Variants in NR2F1-AS1 observed in about 807,000 individuals in gnomAD.
NR2F1-AS1 encodes the protein NR2F1 regulatory antisense RNA 1, also known as NR2F1 antisense RNA 1.
intron 4 of NR2F1-AS1, among the ~76,000 whole-genome samples, chr5:93,451,035 A>G (rs1749818917): frequency 6.6e-6 from 1 of 152,116 alleles, no homozygotes; most frequent in Non-Finnish European, 1.5e-5. Flanking sequence ...ATATTCTGTA[A>G]AAACAATAAT....
chr5:93,440,641 TA>T (rs995078896), intron 4 of NR2F1-AS1, among the ~76,000 whole-genome samples: 23 of 152,226 alleles, frequency 1.5e-4, no homozygotes, highest in Non-Finnish European at 1.8e-4. Context: ...TTTTTTATAG[TA>T]AATCTCTCAC....
chr5:93,525,546 C>A (rs757887548), intron 4 of NR2F1-AS1, among the ~76,000 whole-genome samples: 7 of 152,178 alleles, frequency 4.6e-5, no homozygotes, highest in Non-Finnish European at 8.8e-5. Context: ...CCCAAATCAA[C>A]GGAATATACC....
chr5:93,582,768 G>C (rs1253020908), upstream of NR2F1-AS1, among the ~76,000 whole-genome samples: 3 of 59,048 alleles, frequency 5.1e-5, no homozygotes, highest in Non-Finnish European at 3.1e-5. Context: ...GGGTGTGAGC[G>C]TAAGTGTGTG....
chr5:93,432,760 G>A (rs1749352977), intron 4 of NR2F1-AS1, among the ~76,000 whole-genome samples: 1 of 152,162 alleles, frequency 6.6e-6, no homozygotes, highest in Non-Finnish European at 1.5e-5. Flanking sequence ...TTGTCAGCAT[G>A]TTTTCCTCCT....
chr5:93,492,840 T>C (rs1241283500), intron 4 of NR2F1-AS1, among the ~76,000 whole-genome samples: 2 of 150,048 alleles, frequency 1.3e-5, no homozygotes, highest in African/African-American at 4.9e-5. Flanking sequence ...CTATATCATT[T>C]CATGATAAAA....
intron 4 of NR2F1-AS1, among the ~76,000 whole-genome samples, chr5:93,474,136 A>G (rs1485128766): frequency 1.3e-5 from 2 of 152,200 alleles, no homozygotes; most frequent in African/African-American, 2.4e-5. Flanking sequence ...CTAATGTTTC[A>G]ATAATTATAT....
rs367879647 is a variant in NR2F1-AS1, at chr5:93,439,343, G to A, written n.639-43801C>T. On this transcript the variant is annotated intron_variant and non_coding_transcript_variant, in intron 4 of 5. Coordinates refer to ENST00000660523, the Ensembl canonical transcript of NR2F1-AS1. The stretch of plus-strand genomic sequence containing the variant: ...CGGAGTCTCGCTGTCACCCAGGCTG[G>A]AGTGGAGTGGCGCGATCTCGGCTCA... 5.3e-5 allele frequency among the ~76,000 whole-genome samples: 8 copies of A among 152,338 alleles called. No homozygotes were observed. The East Asian group carries it at 5.8e-4, about 11-fold the overall frequency.
intron 2 of NR2F1-AS1, among the ~76,000 whole-genome samples, chr5:93,560,477 G>C (rs1752462766): frequency 6.6e-6 from 1 of 152,110 alleles, no homozygotes; most frequent in African/African-American, 2.4e-5. Context: ...GACATTAGTT[G>C]GTATGCAGCT....
Position 93,532,506 on chromosome 5 carries a change from C to G in NR2F1-AS1, n.638+21255G>C, listed in dbSNP as rs78898869. ...CCTGTGTGTGAACTATTTCCAAGACCTCGGTCTGAAAGGCAGCCAAAGGCT... is the reference window on the plus strand; with the variant it reads ...CCTGTGTGTGAACTATTTCCAAGACGTCGGTCTGAAAGGCAGCCAAAGGCT... On this transcript the variant is annotated intron_variant and non_coding_transcript_variant, in intron 4 of 5. Coordinates refer to ENST00000660523, the Ensembl canonical transcript of NR2F1-AS1. Among the ~76,000 whole-genome samples the G allele has an allele frequency of 7.9e-4, 120 of 152,292 alleles. No individual in the cohort carries two copies. The East Asian group carries it at 0.016, about 21-fold the overall frequency.
chr5:93,503,721 G>C (rs1198872545), intron 4 of NR2F1-AS1, among the ~76,000 whole-genome samples: 1 of 152,176 alleles, frequency 6.6e-6, no homozygotes, highest in Non-Finnish European at 1.5e-5. Flanking sequence ...TCTCCAGTGA[G>C]CTTCCCTGGT....
At position 93,540,997 on chromosome 5, in the gene NR2F1-AS1, C is replaced by T. The variant is rs776998156; in HGVS notation, n.638+12764G>A. Among the ~76,000 whole-genome samples the T allele has an allele frequency of 9.2e-5, 14 of 152,304 alleles. 1 individual carries two copies. Among genetic ancestry groups the T allele is most frequent in the Middle Eastern group, 3.4e-3 (1 of 294 alleles). ...ATTAATGCTTCAAAACACTTTCCAA[C>T]GTTAGCCCTCACTTTTTCTTTTCTC... On this transcript the variant is annotated intron_variant and non_coding_transcript_variant, in intron 4 of 5. Transcript: ENST00000660523.
Position 93,441,655 on chromosome 5 carries a change from T to G in NR2F1-AS1, n.639-46113A>C, listed in dbSNP as rs1580226361. Among the ~76,000 whole-genome samples, 3 of 152,356 alleles carry G rather than the reference T, an allele frequency of 2.0e-5. No individual in the cohort carries two copies. The South Asian group carries it at 6.2e-4, about 32-fold the overall frequency. On this transcript the variant is annotated intron_variant and non_coding_transcript_variant, in intron 4 of 5. Transcript: ENST00000660523. ...TTCTTAAACTTGTAGAGCATTCTACTTCAGAGTAAGAATAAGTATAACATC... is the reference window on the plus strand; with the variant it reads ...TTCTTAAACTTGTAGAGCATTCTACGTCAGAGTAAGAATAAGTATAACATC...
chr5:93,455,129 T>G (rs1046321977), intron 4 of NR2F1-AS1, among the ~76,000 whole-genome samples: 2 of 152,170 alleles, frequency 1.3e-5, no homozygotes, highest in Admixed American at 6.5e-5. Flanking sequence ...AGTGAGGTCT[T>G]GTGGTTCTGC....
At chr5:93,537,672 T>C (rs1272562724) in intron 4 of NR2F1-AS1, among the ~76,000 whole-genome samples, 1 of 152,106 alleles carries the variant, frequency 6.6e-6, no homozygotes, top group East Asian at 1.9e-4. Flanking sequence ...TTGGCAAGGA[T>C]GTGGAAGAAA....
Position 93,564,835 on chromosome 5 carries a change from T to C in NR2F1-AS1, n.314-1372A>G, listed in dbSNP as rs557129023. Reference sequence around the variant, plus strand: ...AAGAAGCCTATTGAAAACCTCATTATATCTAAACTACTTTATTATATTTAT... The same window carrying C: ...AAGAAGCCTATTGAAAACCTCATTACATCTAAACTACTTTATTATATTTAT... On this transcript the variant is annotated intron_variant and non_coding_transcript_variant, in intron 1 of 5. Transcript: ENST00000660523. 3.3e-5 allele frequency among the ~76,000 whole-genome samples: 5 copies of C among 152,322 alleles called. No individual in the cohort carries two copies. The South Asian group carries it at 1.0e-3, about 32-fold the overall frequency.
intron 4 of NR2F1-AS1, among the ~76,000 whole-genome samples, chr5:93,455,497 A>G (rs1480555388): frequency 6.6e-6 from 1 of 152,162 alleles, no homozygotes; most frequent in African/African-American, 2.4e-5. Flanking sequence ...AACCATACCA[A>G]TAACAACATT....
intron 4 of NR2F1-AS1, among the ~76,000 whole-genome samples, chr5:93,434,158 T>G (rs1351435132): frequency 6.6e-6 from 1 of 152,104 alleles, no homozygotes; most frequent in Non-Finnish European, 1.5e-5. Context: ...AACTATTGGC[T>G]TTTGCCTTTT....
intron 4 of NR2F1-AS1, among the ~76,000 whole-genome samples, chr5:93,489,441 A>G (rs777784113): frequency 2.2e-4 from 33 of 152,098 alleles, no homozygotes; most frequent in Non-Finnish European, 4.4e-4. Flanking sequence ...ATTTTTAGGC[A>G]TAATGCTATT....
chr5:93,516,035 A>G (rs930760826), intron 4 of NR2F1-AS1, among the ~76,000 whole-genome samples: 1 of 151,928 alleles, frequency 6.6e-6, no homozygotes, highest in Non-Finnish European at 1.5e-5. Context: ...AGCAAAGACA[A>G]TTTGTGCCTG....
Sources: allele counts gnomAD v4.1 joint callset (sites outside exome capture counted in the v4.1 genomes callset), GRCh38; gene constraint gnomAD v4.1.1; transcripts MANE v1.5; gene names NCBI Gene and HGNC (gene_info 2026-07-23, HGNC 2026-07-21).